VGLL3: variants seen among roughly 807,000 people sequenced by gnomAD.
VGLL3 encodes the protein transcription cofactor vestigial-like protein 3.
Under a neutral mutation model 29.2 loss-of-function variants are expected in VGLL3, and 18 were observed. That is an observed-to-expected ratio of 0.62 (90% CI 0.43 to 0.91). The LOEUF (loss-of-function observed/expected upper bound fraction) is 0.91. Among genes scored for constraint, VGLL3 ranks in the 40% least tolerant of loss-of-function variants. The pLI, the probability that VGLL3 is intolerant of heterozygous loss-of-function variation, is 0.00. For synonymous variants in VGLL3, 180 were observed against 151.8 expected (o/e 1.19, Z -1.36); for missense variants, 440 against 413.2 (o/e 1.06, Z -0.56).
intron 3 of VGLL3, 140 bp downstream of exon 3, chr3:86,968,450 A>C: frequency 2.1e-6 from 2 of 963,076 alleles, no homozygotes; most frequent in Non-Finnish European, 3.0e-6. Context: ...TGCAGAAATT[A>C]TTGCAAAATG....
At chr3:86,970,980 AT>A (rs1705089216) in intron 2 of VGLL3, among the ~76,000 whole-genome samples, 1 of 152,152 alleles carries the variant, frequency 6.6e-6, no homozygotes. Flanking sequence ...CCTATGGATT[AT>A]TTTTATTTAC....
intron 3 of VGLL3, chr3:86,962,020 G>C (rs556157193): frequency 3.0e-6 from 3 of 984,036 alleles, no homozygotes; most frequent in African/African-American, 3.5e-5. Context: ...TTTGATAATA[G>C]ATCTTTTCTT....
At chr3:86,984,071 C>T (rs1220345818) in intron 1 of VGLL3, among the ~76,000 whole-genome samples, 1 of 152,156 alleles carries the variant, frequency 6.6e-6, no homozygotes, top group Admixed American at 6.5e-5. Context: ...CACATGCTAA[C>T]TAGGACAGTC....
At chr3:86,979,892 A>G (rs1441835086) in intron 1 of VGLL3, among the ~76,000 whole-genome samples, 5 of 152,122 alleles carry the variant, frequency 3.3e-5, no homozygotes, top group African/African-American at 1.2e-4. Flanking sequence ...AATTACAAAA[A>G]TGTATTTTGT....
rs568854625 is a variant in VGLL3, at chr3:86,949,826, C to CAA, written c.938-2761_938-2760dup. The stretch of plus-strand genomic sequence containing the variant: ...TGGGTGACAGAGCGAGACTCCATCT[C>CAA]AAAAAAAAAAAAAAAAGAAAAGAAA... On this transcript the variant is annotated intron_variant, in intron 3 of 3. Coordinates refer to ENST00000398399, the MANE Select transcript of VGLL3 (RefSeq NM_016206.4). Among the ~76,000 whole-genome samples, 407 of 59,462 alleles carry CAA rather than the reference C, an allele frequency of 6.8e-3. 1 individual carries two copies. The highest frequency in any genetic ancestry group is 0.018 in the African/African-American group (283 of 15,592). 39.0% of individuals were successfully genotyped at this position (59,462 alleles called of 152,430 possible). A position where few individuals can be genotyped will look rare whatever the true frequency, so the allele number is the denominator to read the frequency against.
Position 86,968,961 on chromosome 3 carries a change from C to T in VGLL3, c.566G>A (p.Gly189Glu). ...FSAADPSPWP[G>E]HNLHQTGPAP... ...TGGGCCAGTCTGATGCAGGTTGTGT[C>T]CCGGCCAAGGACTGGGATCAGCTGC... The change falls in exon 3 of 4, where the codon GGA (glycine) becomes GAA (glutamate). Residue 189 changes from glycine to glutamate, a missense_variant. Gly to Glu is a moderately conservative substitution (Grantham distance 98, BLOSUM62 -2). Transcript: ENST00000398399. 6.2e-7 allele frequency: 1 copy of T among 1,614,072 alleles called. No homozygotes were observed. The highest frequency in any genetic ancestry group is 1.6e-4 in the Middle Eastern group (1 of 6,062).
chr3:86,965,230 G>A (rs1192744018), intron 3 of VGLL3, among the ~76,000 whole-genome samples: 1 of 151,918 alleles, frequency 6.6e-6, no homozygotes, highest in Non-Finnish European at 1.5e-5. Context: ...TTGGTTTAAT[G>A]TATTTATCTT....
chr3:86,968,724 T>C lies in VGLL3; in HGVS notation c.803A>G (p.His268Arg), dbSNP rs995318895. 2 of 1,614,040 alleles carry C rather than the reference T, an allele frequency of 1.2e-6. No individual in the cohort carries two copies. The highest frequency in any genetic ancestry group is 1.7e-6 in the Non-Finnish European group (2 of 1,180,038). The change falls in exon 3 of 4, where the codon CAT becomes CGT. Residue 268 changes from histidine to arginine, a missense_variant. Coordinates refer to ENST00000398399, the MANE Select transcript of VGLL3 (RefSeq NM_016206.4). ...CTGGGGAGCAGGAATCCTGGCCGCA[T>C]GCACTGAAGGCATCAGCAGAGGCCC... ...SYGPLLMPSV[H>R]AARIPAPQCD... is the part of the protein sequence containing the mutation.
chr3:86,943,661 A>C lies in VGLL3; in HGVS notation c.*3363T>G, dbSNP rs1704444227. 1 of 152,196 alleles carries C rather than the reference A, an allele frequency of 6.6e-6. No individual in the cohort carries two copies. The highest frequency in any genetic ancestry group is 2.4e-5 in the African/African-American group (1 of 41,456). The allele number at this position is 152,196 out of a possible 1,614,324, so 9.4% of individuals were successfully genotyped here. ...AGAAGAAAGAAAAAGGAGAGCAAAT[A>C]GAGGGGAAAGTTAAGAGAGGGTGCT... On this transcript the variant is annotated 3_prime_UTR_variant, in exon 4 of 4. Transcript: ENST00000398399.
At chr3:86,962,048 A>G (rs772082153) in intron 3 of VGLL3, 33 of 985,174 alleles carry the variant, frequency 3.3e-5, no homozygotes, top group Non-Finnish European at 4.0e-5. Context: ...TTAAGCCCTT[A>G]TTATCACATT....
chr3:86,984,521 T>C (rs1164735808), intron 1 of VGLL3, among the ~76,000 whole-genome samples: 4 of 152,190 alleles, frequency 2.6e-5, no homozygotes, highest in African/African-American at 9.7e-5. Flanking sequence ...CCCAAAATGT[T>C]TTAAGCAATG....
In VGLL3 at chr3:86,939,038, A is replaced by G. The variant is rs1017500057; in HGVS notation, c.*7986T>C. On this transcript the variant is annotated 3_prime_UTR_variant, in exon 4 of 4. Transcript: ENST00000398399. ...ACTGCTCATCTTACATAAGTAACAC[A>G]TAACCCTTTGGATTCTGAAGCACTA... The G allele has an allele frequency of 6.6e-5, 10 of 152,252 alleles. No individual in the cohort carries two copies. The highest frequency in any genetic ancestry group is 1.2e-4 in the Non-Finnish European group (8 of 68,052). The allele number at this position is 152,252 out of a possible 1,614,324, so 9.4% of individuals were successfully genotyped here. A position where few individuals can be genotyped will look rare whatever the true frequency, so the allele number is the denominator to read the frequency against.
At position 86,988,077 on chromosome 3, in the gene VGLL3, C is replaced by A. The variant is rs1156364988; in HGVS notation, c.126+2541G>T. 4.6e-5 allele frequency among the ~76,000 whole-genome samples: 7 copies of A among 152,104 alleles called. No homozygotes were observed. In the East Asian group the frequency reaches 1.4e-3, roughly 29 times the overall value. On this transcript the variant is annotated intron_variant, in intron 1 of 3. Coordinates refer to ENST00000398399, the MANE Select transcript of VGLL3 (RefSeq NM_016206.4). ...ATTTTGATACAGTAATTAATAAGGA[C>A]TTCAGAGCCATACAGTTTGAGGGGG...
At chr3:86,950,786 A>G (rs1559719934) in intron 3 of VGLL3, among the ~76,000 whole-genome samples, 1 of 152,204 alleles carries the variant, frequency 6.6e-6, no homozygotes, top group Non-Finnish European at 1.5e-5. Context: ...GTGTCTCTCT[A>G]TATGTATCTT....
intron 1 of VGLL3, among the ~76,000 whole-genome samples, chr3:86,986,734 A>T (rs1209214916): frequency 1.3e-5 from 2 of 152,192 alleles, no homozygotes; most frequent in East Asian, 1.9e-4. Flanking sequence ...AATAGATGAG[A>T]CACTTAACTG....
At chr3:86,954,647 A>G (rs1704680708) in intron 3 of VGLL3, among the ~76,000 whole-genome samples, 1 of 152,114 alleles carries the variant, frequency 6.6e-6, no homozygotes, top group Admixed American at 6.5e-5. Flanking sequence ...GTGGCAATTT[A>G]CCAGTCTCAA....
chr3:86,962,844 GCCTT>G, intron 3 of VGLL3: 1 of 150,156 alleles, frequency 6.7e-6, no homozygotes, highest in African/African-American at 4.0e-5. Flanking sequence ...AGGGAAGCCA[GCCTT>G]CACTATTCAA....
intron 3 of VGLL3, among the ~76,000 whole-genome samples, chr3:86,949,784 G>A (rs1349507225): frequency 1.6e-4 from 23 of 145,388 alleles, no homozygotes; most frequent in Middle Eastern, 4.0e-3. Context: ...CCGAGATCAT[G>A]CCACTGCACT....
At chr3:86,954,902 C>CAAAAAAAAAAAAAAAAAAAAAAAAAAA (rs879461102) in intron 3 of VGLL3, among the ~76,000 whole-genome samples, 1 of 128,142 alleles carries the variant, frequency 7.8e-6, no homozygotes, top group African/African-American at 3.1e-5. Context: ...GGAGCAAAAC[C>CAAAAAAAAAAAAAAAAAAAAAAAAAAA]AAAAAAAAAA....
Sources: gnomAD v4.1 joint callset for allele counts (sites outside exome capture counted in the v4.1 genomes callset) on GRCh38, gnomAD v4.1.1 for gene constraint, MANE v1.5 for transcripts, NCBI Gene and HGNC (gene_info 2026-07-23, HGNC 2026-07-21) for gene names.